The following SMYD3 variants were observed in gnomAD, a reference collection of about 807,000 sequenced individuals.
SMYD3 encodes the protein SET and MYND domain containing 3.
Under a neutral mutation model 57.7 loss-of-function variants are expected in SMYD3, and 36 were observed. The observed-to-expected ratio is 0.62, with a 90% CI of 0.48 to 0.82. The LOEUF is 0.82. Ranked by LOEUF, SMYD3 falls within the 40% of genes least tolerant of loss-of-function variation. SMYD3 has a pLI of 0.00. For synonymous variants in SMYD3, 211 were observed against 195.0 expected (o/e 1.08, Z -0.68); for missense variants, 515 against 538.8 (o/e 0.96, Z 0.44).
chr1:246,438,496 T>C (rs2067414304), intron 1 of SMYD3, among the ~76,000 whole-genome samples: 3 of 152,120 alleles, frequency 2.0e-5, no homozygotes, highest in African/African-American at 7.2e-5. Flanking sequence ...CCCTCCCTTG[T>C]ATCCTCCAGG....
At chr1:246,119,923 GA>G (rs2061400118) in intron 5 of SMYD3, among the ~76,000 whole-genome samples, 1 of 152,200 alleles carries the variant, frequency 6.6e-6, no homozygotes, top group African/African-American at 2.4e-5. Flanking sequence ...ATTGACAAGA[GA>G]AAAGCATATA....
chr1:245,969,614 A>C (rs537722903), intron 5 of SMYD3, among the ~76,000 whole-genome samples: 35 of 152,324 alleles, frequency 2.3e-4, no homozygotes, highest in African/African-American at 8.2e-4. Context: ...CAAACTAACC[A>C]AGGGGGGAAA....
intron 10 of SMYD3, among the ~76,000 whole-genome samples, chr1:245,857,477 C>T (rs1407456448): frequency 4.0e-5 from 2 of 50,222 alleles, no homozygotes; most frequent in Admixed American, 2.0e-4. Context: ...CCACCTGCTC[C>T]TCTTCGCTTA....
chr1:245,828,395 A>C (rs1159108348), intron 10 of SMYD3, among the ~76,000 whole-genome samples: 1 of 152,234 alleles, frequency 6.6e-6, no homozygotes, highest in African/African-American at 2.4e-5. Flanking sequence ...GTATTGTTAG[A>C]GCCATCTACA....
chr1:246,371,669 T>A (rs1188249905), intron 1 of SMYD3, among the ~76,000 whole-genome samples: 1 of 152,224 alleles, frequency 6.6e-6, no homozygotes, highest in East Asian at 1.9e-4. Flanking sequence ...TACTATGACG[T>A]AAGCCTTCAA....
intron 5 of SMYD3, among the ~76,000 whole-genome samples, chr1:246,317,324 T>C (rs2065178322): frequency 6.6e-6 from 1 of 152,176 alleles, no homozygotes; most frequent in South Asian, 2.1e-4. Flanking sequence ...CTTTTTTAAG[T>C]AGAGAATTTT....
At chr1:246,236,777 G>T (rs933441639) in intron 5 of SMYD3, among the ~76,000 whole-genome samples, 1 of 152,174 alleles carries the variant, frequency 6.6e-6, no homozygotes, top group African/African-American at 2.4e-5. Flanking sequence ...CTCCCAAAGT[G>T]CTGGGACTAC....
At chr1:246,487,503 G>C (rs142182690) in intron 1 of SMYD3, among the ~76,000 whole-genome samples, 104 of 152,000 alleles carry the variant, frequency 6.8e-4, no homozygotes, top group Middle Eastern at 3.4e-3. Context: ...TGTGATAAAA[G>C]ATACAATGTT....
At chr1:245,929,786 C>T in intron 6 of SMYD3, 84 bp downstream of exon 6, 2 of 1,072,514 alleles carry the variant, frequency 1.9e-6, no homozygotes, top group Non-Finnish European at 2.9e-6. Flanking sequence ...GCAGCAACTG[C>T]CTTTCTAACT....
intron 5 of SMYD3, among the ~76,000 whole-genome samples, chr1:245,952,552 T>C (rs1392920004): frequency 6.6e-6 from 1 of 152,162 alleles, no homozygotes; most frequent in Non-Finnish European, 1.5e-5. Context: ...AAGAGGCCTC[T>C]GGGTAAAGGC....
At chr1:245,890,790 A>G (rs2148580963) in intron 8 of SMYD3, among the ~76,000 whole-genome samples, 1 of 152,340 alleles carries the variant, frequency 6.6e-6, no homozygotes, top group East Asian at 1.9e-4. Context: ...TTGCACTACT[A>G]TTCACAATAG....
intron 5 of SMYD3, among the ~76,000 whole-genome samples, chr1:246,193,363 C>A (rs1323440185): frequency 1.3e-5 from 2 of 152,142 alleles, no homozygotes; most frequent in African/African-American, 4.8e-5. Context: ...CCATAAAAAG[C>A]AAAATTACCA....
intron 5 of SMYD3, among the ~76,000 whole-genome samples, chr1:246,288,059 A>ATTTTTT (rs1258559424): frequency 2.0e-4 from 20 of 98,548 alleles, no homozygotes; most frequent in Non-Finnish European, 3.5e-4. Context: ...CCATCAGGTA[A>ATTTTTT]TTCTTTTTTT....
intron 5 of SMYD3, among the ~76,000 whole-genome samples, chr1:246,172,957 G>C (rs1297591700): frequency 6.7e-6 from 1 of 148,294 alleles, no homozygotes; most frequent in Non-Finnish European, 1.5e-5. Flanking sequence ...AACACTCACT[G>C]TACTCTACTG....
chr1:245,796,420 C>G (rs1340347868), intron 10 of SMYD3, among the ~76,000 whole-genome samples: 1 of 151,968 alleles, frequency 6.6e-6, no homozygotes, highest in East Asian at 1.9e-4. Flanking sequence ...TTACAGGACA[C>G]TGCCAAATAG....
At position 246,417,959 on chromosome 1, in the gene SMYD3, T is replaced by C. The variant is rs112507770; in HGVS notation, c.165-62865A>G. Among the ~76,000 whole-genome samples the C allele has an allele frequency of 1.1e-3, 166 of 152,326 alleles. 1 individual carries two copies. The highest frequency in any genetic ancestry group is 3.8e-3 in the African/African-American group (159 of 41,570). On this transcript the variant is annotated intron_variant, in intron 1 of 11. Coordinates refer to ENST00000490107, the MANE Select transcript of SMYD3 (RefSeq NM_001167740.2). ...CCCAGGAATGAGCAGATAGTCAGCT[T>C]CTGGGGTCAGAAGCAAGATAAAGTC...
chr1:246,151,902 A>G (rs1040604786), intron 5 of SMYD3, among the ~76,000 whole-genome samples: 55 of 152,238 alleles, frequency 3.6e-4, no homozygotes, highest in Non-Finnish European at 8.8e-5. Context: ...AAATGCTTAC[A>G]GACTTGGTCA....
At chr1:245,930,715 G>C (rs1227379811) in intron 5 of SMYD3, 1 of 152,212 alleles carries the variant, frequency 6.6e-6, no homozygotes, top group Non-Finnish European at 1.5e-5. Flanking sequence ...GAAAAGAGCA[G>C]TGAAGAAAAA....
At chr1:246,304,513 A>C (rs1209750806) in intron 5 of SMYD3, among the ~76,000 whole-genome samples, 1 of 152,228 alleles carries the variant, frequency 6.6e-6, no homozygotes. Flanking sequence ...ACTTCAATGA[A>C]TACATAAGCA....
Sources: allele counts gnomAD v4.1 joint callset (sites outside exome capture counted in the v4.1 genomes callset), GRCh38; gene constraint gnomAD v4.1.1; transcripts MANE v1.5; gene names NCBI Gene and HGNC (gene_info 2026-07-23, HGNC 2026-07-21).